Variants in RAB8B observed in about 807,000 individuals in gnomAD.
RAB8B encodes ras-related protein Rab-8B.
In RAB8B, 11 loss-of-function variants were observed where a neutral mutation model predicts 32.0. That is an observed-to-expected ratio of 0.34 (90% CI 0.22 to 0.57). The LOEUF is 0.57. Among genes scored for constraint, RAB8B ranks in the 20% least tolerant of loss-of-function variants. RAB8B has a pLI of 0.86. For synonymous variants in RAB8B, 103 were observed against 89.6 expected (o/e 1.15, Z -0.85); for missense variants, 190 against 258.5 (o/e 0.73, Z 1.82).
chr15:63,213,926 C>G (rs1009237475), intron 1 of RAB8B, among the ~76,000 whole-genome samples: 1 of 151,892 alleles, frequency 6.6e-6, no homozygotes, highest in African/African-American at 2.4e-5. Flanking sequence ...AATAAAAATA[C>G]AAAAATTAGC....
chr15:63,224,921 A>C (rs2037876580), intron 1 of RAB8B, among the ~76,000 whole-genome samples: 1 of 152,228 alleles, frequency 6.6e-6, no homozygotes, highest in Non-Finnish European at 1.5e-5. Flanking sequence ...CAGATATCAG[A>C]GATGGGCAGA....
At chr15:63,213,939 G>A (rs1893701019) in intron 1 of RAB8B, among the ~76,000 whole-genome samples, 1 of 152,046 alleles carries the variant, frequency 6.6e-6, no homozygotes, top group South Asian at 2.1e-4. Flanking sequence ...AAATTAGCTG[G>A]GCGTTGTGGC....
chr15:63,217,790 G>A (rs571991374), intron 1 of RAB8B, among the ~76,000 whole-genome samples: 14 of 151,656 alleles, frequency 9.2e-5, no homozygotes, highest in Non-Finnish European at 1.3e-4. Flanking sequence ...AGGGTAGATC[G>A]CTATGTTTAT....
intron 1 of RAB8B, among the ~76,000 whole-genome samples, chr15:63,238,815 G>T (rs1346659072): frequency 6.6e-6 from 1 of 152,128 alleles, no homozygotes; most frequent in Non-Finnish European, 1.5e-5. Flanking sequence ...TCCAATCTTG[G>T]TAATTCCCCG....
chr15:63,230,498 C>T (rs963186932), intron 1 of RAB8B, among the ~76,000 whole-genome samples: 5 of 152,064 alleles, frequency 3.3e-5, no homozygotes, highest in African/African-American at 1.2e-4. Context: ...GACACGGTTT[C>T]GCCACGTTGG....
intron 1 of RAB8B, among the ~76,000 whole-genome samples, chr15:63,213,525 G>T (rs1242331687): frequency 2.6e-5 from 4 of 152,080 alleles, no homozygotes; most frequent in Admixed American, 2.6e-4. Context: ...GTGCATTTAT[G>T]ACTATAGATG....
At chr15:63,206,329 T>A (rs967772766) in intron 1 of RAB8B, among the ~76,000 whole-genome samples, 41 of 152,258 alleles carry the variant, frequency 2.7e-4, no homozygotes, top group Middle Eastern at 3.4e-3. Context: ...TGTTTTTTTT[T>A]AATGACTGTG....
chr15:63,246,957 T>C (rs1445873814), intron 2 of RAB8B, among the ~76,000 whole-genome samples: 1 of 152,212 alleles, frequency 6.6e-6, no homozygotes. Flanking sequence ...AGACCAAATA[T>C]GTTTCTTATT....
chr15:63,190,247 G>T (rs2037544480), intron 1 of RAB8B, among the ~76,000 whole-genome samples: 1 of 152,110 alleles, frequency 6.6e-6, no homozygotes. Flanking sequence ...TGAGAACCAG[G>T]CAACTGGAAG....
chr15:63,205,957 T>C (rs985591490), intron 1 of RAB8B, among the ~76,000 whole-genome samples: 2 of 152,182 alleles, frequency 1.3e-5, no homozygotes, highest in Admixed American at 6.5e-5. Context: ...TCATATCCAA[T>C]TGGAAGCTCC....
chr15:63,217,705 C>T (rs2037805657), intron 1 of RAB8B, among the ~76,000 whole-genome samples: 1 of 152,152 alleles, frequency 6.6e-6, no homozygotes, highest in South Asian at 2.1e-4. Context: ...TTACCTTTAG[C>T]TTGTCTTTTT....
At chr15:63,243,733 A>G (rs541005997) in intron 1 of RAB8B, among the ~76,000 whole-genome samples, 13 of 152,136 alleles carry the variant, frequency 8.5e-5, no homozygotes, top group Admixed American at 5.2e-4. Flanking sequence ...TTTTTTTTCA[A>G]CATTTCTCAG....
chr15:63,263,434 A>C, intron 7 of RAB8B, 93 bp from the exon 8 acceptor site: 1 of 898,812 alleles, frequency 1.1e-6, no homozygotes, highest in Non-Finnish European at 1.8e-6. Context: ...TACACATTTC[A>C]CATGGTATGG....
At position 63,264,469 on chromosome 15, in the gene RAB8B, T is replaced by A. The variant is rs1180503460; in HGVS notation, c.*850T>A. On this transcript the variant is annotated 3_prime_UTR_variant, in exon 8 of 8. Coordinates refer to ENST00000321437, the MANE Select transcript of RAB8B (RefSeq NM_016530.3). Reference sequence around the variant, plus strand: ...GAAATTTTACGTGGGCTGAGAGATATACCATTTAGGGTTTTAGTGCAGCAT... The same window carrying A: ...GAAATTTTACGTGGGCTGAGAGATAAACCATTTAGGGTTTTAGTGCAGCAT... 6.6e-6 allele frequency: 1 copy of A among 152,224 alleles called. No homozygotes were observed. Among genetic ancestry groups the A allele is most frequent in the Non-Finnish European group, 1.5e-5 (1 of 68,044 alleles). 9.4% of individuals were successfully genotyped at this position (152,224 alleles called of 1,614,324 possible).
At chr15:63,247,640 A>AC (rs1388270391) in intron 2 of RAB8B, among the ~76,000 whole-genome samples, 4 of 152,258 alleles carry the variant, frequency 2.6e-5, no homozygotes, top group African/African-American at 9.6e-5. Flanking sequence ...AGTAGACAAA[A>AC]CGTAGAATTC....
chr15:63,198,366 C>T (rs2037620656), intron 1 of RAB8B, among the ~76,000 whole-genome samples: 1 of 152,058 alleles, frequency 6.6e-6, no homozygotes, highest in Non-Finnish European at 1.5e-5. Flanking sequence ...TTCCTCAGCC[C>T]AGAAGTTTAA....
chr15:63,235,939 G>C (rs1484066216), intron 1 of RAB8B, among the ~76,000 whole-genome samples: 1 of 152,144 alleles, frequency 6.6e-6, no homozygotes, highest in Non-Finnish European at 1.5e-5. Flanking sequence ...CCCTTAAAGA[G>C]GAAGTTTCCC....
chr15:63,231,498 TTG>T (rs141141651), intron 1 of RAB8B, among the ~76,000 whole-genome samples: 119,239 of 144,178 alleles, frequency 0.83, 48,486 homozygotes, highest in Non-Finnish European at 0.86. Context: ...TGCGTGTTTT[TTG>T]TTTTTTTTTT....
At chr15:63,200,596 T>G (rs1039840086) in intron 1 of RAB8B, among the ~76,000 whole-genome samples, 5 of 145,506 alleles carry the variant, frequency 3.4e-5, no homozygotes, top group Admixed American at 7.0e-5. Context: ...AAGACCAGCC[T>G]AGGCAACATA....
Sources: gnomAD v4.1 joint callset for allele counts (sites outside exome capture counted in the v4.1 genomes callset) on GRCh38, gnomAD v4.1.1 for gene constraint, MANE v1.5 for transcripts, NCBI Gene and HGNC (gene_info 2026-07-23, HGNC 2026-07-21) for gene names.